GABRA3: variants seen among roughly 807,000 people sequenced by gnomAD.
GABRA3 encodes gamma-aminobutyric acid receptor subunit alpha-3.
In GABRA3, 10 loss-of-function variants were observed where a neutral mutation model predicts 30.1. The observed-to-expected ratio is 0.33, with a 90% CI of 0.20 to 0.56. GABRA3 has a LOEUF of 0.56. Among genes scored for constraint, GABRA3 ranks in the 20% least tolerant of loss-of-function variants. The pLI is 0.89. For synonymous variants in GABRA3, 151 were observed against 146.8 expected (o/e 1.03, Z -0.21); for missense variants, 233 against 392.0 (o/e 0.59, Z 3.42).
intron 4 of GABRA3, among the ~76,000 whole-genome samples, chrX:152,277,381 C>CT (rs1193502254): frequency 1.8e-5 from 2 of 110,941 alleles, no homozygotes; most frequent in African/African-American, 3.3e-5. Flanking sequence ...ACTATAATGT[C>CT]TTTTTCTGTG....
intron 4 of GABRA3, among the ~76,000 whole-genome samples, chrX:152,265,765 G>A (rs780015370): frequency 1.8e-5 from 2 of 111,110 alleles, no homozygotes; most frequent in Non-Finnish European, 3.8e-5. Flanking sequence ...GAAGAAAAGA[G>A]AGAATAATGA....
chrX:152,300,702 C>T (rs1939615657), intron 3 of GABRA3, among the ~76,000 whole-genome samples: 1 of 111,890 alleles, frequency 8.9e-6, no homozygotes, highest in African/African-American at 3.2e-5. Flanking sequence ...ATTAAAATAA[C>T]CTATTTGAAA....
At chrX:152,448,394 T>C (rs1295787912) in intron 1 of GABRA3, among the ~76,000 whole-genome samples, 1 of 112,312 alleles carries the variant, frequency 8.9e-6, no homozygotes, top group Non-Finnish European at 1.9e-5. Flanking sequence ...TTACTTCAGA[T>C]AGAGAATTTC....
rs1938378954 is a variant in GABRA3, at chrX:152,241,749, G to A, written c.551+14029C>T. ...CCGGTCTGAAAAGCGCAATATTCGG[G>A]TGGGAGTGACCCGATTTTCCAGGTG... On this transcript the variant is annotated intron_variant, in intron 5 of 9. Coordinates refer to ENST00000370314, the MANE Select transcript of GABRA3 (RefSeq NM_000808.4). Among the ~76,000 whole-genome samples the A allele has an allele frequency of 2.7e-5, 3 of 109,629 alleles. No homozygotes were observed. The South Asian group carries it at 1.2e-3, about 45-fold the overall frequency.
intron 1 of GABRA3, among the ~76,000 whole-genome samples, chrX:152,410,299 T>C (rs1382754275): frequency 1.8e-5 from 2 of 111,523 alleles, no homozygotes; most frequent in East Asian, 2.8e-4. Flanking sequence ...GAGGTAGTAT[T>C]TGATAGTAGA....
chrX:152,190,319 C>T (rs1937307495), intron 8 of GABRA3, among the ~76,000 whole-genome samples: 4 of 109,787 alleles, frequency 3.6e-5, no homozygotes, highest in East Asian at 2.9e-4. Flanking sequence ...GTCCACAGAC[C>T]GATCTTGGAG....
chrX:152,241,382 G>A (rs1333389955), intron 5 of GABRA3, among the ~76,000 whole-genome samples: 6 of 101,443 alleles, frequency 5.9e-5, no homozygotes, highest in African/African-American at 2.0e-4. Flanking sequence ...CCAGCTGCGT[G>A]CTGGGAGAAC....
At chrX:152,431,557 C>T (rs1352995705) in intron 1 of GABRA3, among the ~76,000 whole-genome samples, 1 of 111,772 alleles carries the variant, frequency 8.9e-6, no homozygotes, top group Non-Finnish European at 1.9e-5. Context: ...ATGTCCTAAT[C>T]CCCAGAACCT....
intron 3 of GABRA3, among the ~76,000 whole-genome samples, chrX:152,302,259 GAA>G (rs932672268): frequency 8.6e-5 from 9 of 104,460 alleles, no homozygotes; most frequent in Non-Finnish European, 1.4e-4. Flanking sequence ...TTGCCAGATT[GAA>G]AAAAAAAATA....
chrX:152,239,565 C>T (rs1436286260), intron 5 of GABRA3, among the ~76,000 whole-genome samples: 2 of 90,710 alleles, frequency 2.2e-5, no homozygotes, highest in African/African-American at 4.4e-5. Context: ...CTTTCTGTCT[C>T]GTTGATCTGT....
At position 152,189,784 on chromosome X, in the gene GABRA3, G is replaced by A; in HGVS notation, c.1089C>T (p.Thr363=). 8.3e-7 allele frequency: 1 copy of A among 1,209,868 alleles called. No individual in the cohort carries two copies. Among genetic ancestry groups the A allele is most frequent in the East Asian group, 3.0e-5 (1 of 33,768 alleles). Residue 363 remains threonine (T), a synonymous_variant, in exon 9 of 10, where the codon ACC becomes ACT. Coordinates refer to ENST00000370314, the MANE Select transcript of GABRA3 (RefSeq NM_000808.4). The stretch of plus-strand genomic sequence containing the variant: ...TGCCTTCCCAAGCCCAACTCCGCTT[G>A]GTGAAATAGTTGACAGTGGCAAATT... The part of the protein sequence containing the change: ...LIEFATVNYF[T]KRSWAWEGKK...
At chrX:152,410,330 A>T (rs1930038502) in intron 1 of GABRA3, among the ~76,000 whole-genome samples, 1 of 111,430 alleles carries the variant, frequency 9.0e-6, no homozygotes, top group Admixed American at 9.6e-5. Flanking sequence ...TATAGTTAAC[A>T]ATAATTTATC....
At chrX:152,402,951 A>G (rs1321276971) in intron 1 of GABRA3, among the ~76,000 whole-genome samples, 1 of 112,041 alleles carries the variant, frequency 8.9e-6, no homozygotes, top group Non-Finnish European at 1.9e-5. Flanking sequence ...AAAATTGAAT[A>G]AAGGAGGTTA....
chrX:152,175,497 C>G (rs755971174), intron 9 of GABRA3, among the ~76,000 whole-genome samples: 1 of 111,478 alleles, frequency 9.0e-6, no homozygotes, highest in South Asian at 3.8e-4. Flanking sequence ...GAGTTCACAT[C>G]CCAGTTGGGG....
At chrX:152,278,147 T>C (rs1344628800) in intron 4 of GABRA3, among the ~76,000 whole-genome samples, 1 of 111,518 alleles carries the variant, frequency 9.0e-6, no homozygotes, top group African/African-American at 3.3e-5. Flanking sequence ...TTAGGGTACA[T>C]GTGCACAATG....
intron 4 of GABRA3, among the ~76,000 whole-genome samples, chrX:152,275,338 T>TTA (rs1251799394): frequency 0.46 from 4,257 of 9,335 alleles, 557 homozygotes; most frequent in African/African-American, 0.61. Flanking sequence ...ATATTTAATA[T>TTA]TATATATAAT....
chrX:152,438,763 G>A (rs763199707), intron 1 of GABRA3, among the ~76,000 whole-genome samples: 31 of 112,089 alleles, frequency 2.8e-4, no homozygotes, highest in African/African-American at 1.0e-3. Flanking sequence ...TGACATTTTG[G>A]AAAAGGCAAA....
intron 3 of GABRA3, among the ~76,000 whole-genome samples, chrX:152,329,133 T>C (rs1940118720): frequency 9.0e-6 from 1 of 111,380 alleles, no homozygotes. Context: ...GGAATCCAAC[T>C]TACAAGGGAC....
chrX:152,416,492 T>G, intron 1 of GABRA3, among the ~76,000 whole-genome samples: 1 of 110,365 alleles, frequency 9.1e-6, no homozygotes. Flanking sequence ...AAGCTACCAA[T>G]GCCTTTCTTC....
Sources: allele counts gnomAD v4.1 joint callset (sites outside exome capture counted in the v4.1 genomes callset), GRCh38; gene constraint gnomAD v4.1.1; transcripts MANE v1.5; gene names NCBI Gene and HGNC (gene_info 2026-07-23, HGNC 2026-07-21).